The following ATXN1 variants were observed in gnomAD, a reference collection of about 807,000 sequenced individuals.
The protein encoded by ATXN1 is ataxin-1.
In ATXN1, 8 loss-of-function variants were observed where a neutral mutation model predicts 56.4. The ratio of observed to expected loss-of-function variants is 0.14; its 90% CI spans 0.08 to 0.26. The LOEUF is 0.26. Among genes scored for constraint, ATXN1 ranks in the 10% least tolerant of loss-of-function variants. ATXN1 has a pLI of 1.00. For missense variants in ATXN1, 987 were observed against 1,106.5 expected, an observed-to-expected ratio of 0.89 and a Z score of 1.53; for synonymous variants, 514 against 494.6, an observed-to-expected ratio of 1.04 and a Z score of -0.52.
intron 6 of ATXN1, among the ~76,000 whole-genome samples, chr6:16,409,184 C>A (rs1758747181): frequency 6.6e-6 from 1 of 151,940 alleles, no homozygotes; most frequent in South Asian, 2.1e-4. Context: ...CATTTATTTT[C>A]TAAAACTTAC....
At chr6:16,313,734 T>A (rs985959902) in intron 7 of ATXN1, among the ~76,000 whole-genome samples, 2 of 151,970 alleles carry the variant, frequency 1.3e-5, no homozygotes, top group African/African-American at 2.4e-5. Flanking sequence ...TTTTTTATAT[T>A]TTTAGTAGAC....
intron 2 of ATXN1, among the ~76,000 whole-genome samples, chr6:16,671,624 CAG>C (rs1758544328): frequency 2.0e-5 from 3 of 152,146 alleles, no homozygotes; most frequent in Admixed American, 1.3e-4. Flanking sequence ...AAGGGACTCA[CAG>C]AGTCTATTAA....
chr6:16,655,762 G>A (rs765311552), intron 3 of ATXN1, among the ~76,000 whole-genome samples: 4 of 151,928 alleles, frequency 2.6e-5, no homozygotes, highest in African/African-American at 4.8e-5. Context: ...AAAGCACTGT[G>A]CCACATTTTT....
At chr6:16,491,035 G>A (rs1760647888) in intron 5 of ATXN1, among the ~76,000 whole-genome samples, 1 of 150,726 alleles carries the variant, frequency 6.6e-6, no homozygotes, top group Non-Finnish European at 1.5e-5. Flanking sequence ...TCTGAGTCCT[G>A]ATGACAGTAA....
chr6:16,454,149 A>AAC (rs1325403021), intron 6 of ATXN1, among the ~76,000 whole-genome samples: 1 of 133,472 alleles, frequency 7.5e-6, no homozygotes, highest in East Asian at 2.1e-4. Flanking sequence ...AAAAAAAAAA[A>AAC]AAAAACAGAA....
At chr6:16,753,373 G>C (rs1233930269) in intron 1 of ATXN1, 26 bp from the exon 2 acceptor site, 1 of 456,544 alleles carries the variant, frequency 2.2e-6, no homozygotes, top group Non-Finnish European at 4.4e-6. Context: ...GAGTGCAGGA[G>C]AGGAAATCCA....
Position 16,327,134 on chromosome 6 carries a change from C to T in ATXN1, c.1177G>A (p.Ala393Thr). ...GTGGCCTGTTGCACCTCCAGGTCAGCTGCGGGCGTGTTGCTGTTGGGCAGG... is the reference window on the plus strand; with the variant it reads ...GTGGCCTGTTGCACCTCCAGGTCAGTTGCGGGCGTGTTGCTGTTGGGCAGG... ...MVLPNSNTPAADLEVQQATHR... is the reference protein window; with the variant it reads ...MVLPNSNTPATDLEVQQATHR... Residue 393 changes from alanine to threonine, a missense_variant, in exon 7 of 8, where the codon GCT (alanine) becomes ACT (threonine). Physicochemically the swap from Ala to Thr is moderately conservative, Grantham distance 58 (BLOSUM62 0). Coordinates refer to ENST00000436367, the MANE Select transcript of ATXN1 (RefSeq NM_001128164.2). 6.2e-7 allele frequency: 1 copy of T among 1,613,614 alleles called. No individual in the cohort carries two copies. The highest frequency in any genetic ancestry group is 8.5e-7 in the Non-Finnish European group (1 of 1,180,042).
In ATXN1 at chr6:16,348,152, C is replaced by T. The variant is rs145702727; in HGVS notation, c.-160-19682G>A. 1.1e-4 allele frequency among the ~76,000 whole-genome samples: 16 copies of T among 152,330 alleles called. 1 individual carries two copies. The highest frequency in any genetic ancestry group is 2.6e-4 in the Admixed American group (4 of 15,302). On this transcript the variant is annotated intron_variant, in intron 6 of 7. Coordinates refer to ENST00000436367, the MANE Select transcript of ATXN1 (RefSeq NM_001128164.2). ...TAGCACAACCATAGTTTACTGTAGC[C>T]TCGACCTCCCTGTGCTCAAGTGATC...
intron 3 of ATXN1, among the ~76,000 whole-genome samples, chr6:16,601,887 G>C (rs1762919176): frequency 6.6e-6 from 1 of 152,038 alleles, no homozygotes. Flanking sequence ...CAACAATCCA[G>C]AGTAGAAATA....
intron 6 of ATXN1, among the ~76,000 whole-genome samples, chr6:16,470,544 C>T (rs553024743): frequency 6.6e-6 from 1 of 152,258 alleles, no homozygotes; most frequent in East Asian, 1.9e-4. Flanking sequence ...TTGAAACTTA[C>T]ATGCAAAGTT....
chr6:16,418,892 C>A (rs1357591929), intron 6 of ATXN1, among the ~76,000 whole-genome samples: 1 of 151,968 alleles, frequency 6.6e-6, no homozygotes, highest in African/African-American at 2.4e-5. Flanking sequence ...TTCAAGCATT[C>A]GCTTGATGTC....
chr6:16,530,034 T>C (rs1435319409), intron 4 of ATXN1, among the ~76,000 whole-genome samples: 1 of 152,224 alleles, frequency 6.6e-6, no homozygotes, highest in Non-Finnish European at 1.5e-5. Flanking sequence ...ACATCTGAAT[T>C]CCAAAATTTG....
At chr6:16,408,407 A>G (rs1758729841) in intron 6 of ATXN1, among the ~76,000 whole-genome samples, 1 of 152,060 alleles carries the variant, frequency 6.6e-6, no homozygotes, top group South Asian at 2.1e-4. Context: ...TCCCATTTCT[A>G]TATCCATTCC....
intron 6 of ATXN1, among the ~76,000 whole-genome samples, chr6:16,329,434 A>T (rs1444689381): frequency 2.0e-5 from 3 of 152,116 alleles, no homozygotes; most frequent in African/African-American, 7.2e-5. Flanking sequence ...ACGCCAACTC[A>T]GCAGAGGCCG....
chr6:16,426,013 T>A (rs1759146129), intron 6 of ATXN1, among the ~76,000 whole-genome samples: 1 of 151,930 alleles, frequency 6.6e-6, no homozygotes, highest in Non-Finnish European at 1.5e-5. Flanking sequence ...CTGGAGCAGA[T>A]CACAAGGAAA....
intron 6 of ATXN1, among the ~76,000 whole-genome samples, chr6:16,402,336 T>G (rs1011554267): frequency 1.3e-5 from 2 of 149,846 alleles, no homozygotes; most frequent in Admixed American, 1.4e-4. Context: ...ATATATTTGA[T>G]GCACATTATT....
At chr6:16,321,033 G>A (rs1350313581) in intron 7 of ATXN1, among the ~76,000 whole-genome samples, 3 of 152,136 alleles carry the variant, frequency 2.0e-5, no homozygotes, top group African/African-American at 7.2e-5. Context: ...CTTTCTCAGG[G>A]CCCGAGCCAT....
chr6:16,737,962 A>G (rs1760195413), intron 2 of ATXN1: 2 of 152,186 alleles, frequency 1.3e-5, no homozygotes, highest in Non-Finnish European at 2.9e-5. Context: ...AAGAATTTTG[A>G]AAGCAGAATA....
At chr6:16,658,379 A>G (rs1186815502) in intron 2 of ATXN1, among the ~76,000 whole-genome samples, 2 of 152,244 alleles carry the variant, frequency 1.3e-5, no homozygotes, top group African/African-American at 4.8e-5. Flanking sequence ...AACAAAAAAG[A>G]TAAAGCATAA....
Sources: allele counts gnomAD v4.1 joint callset (sites outside exome capture counted in the v4.1 genomes callset), GRCh38; gene constraint gnomAD v4.1.1; transcripts MANE v1.5; gene names NCBI Gene and HGNC (gene_info 2026-07-23, HGNC 2026-07-21).